SMARCC1: variants seen among roughly 807,000 people sequenced by gnomAD.
The protein encoded by SMARCC1 is SWI/SNF related BAF chromatin remodeling complex subunit C1.
In SMARCC1, 43 loss-of-function variants were observed where a neutral mutation model predicts 147.4. The observed-to-expected ratio is 0.29, with a 90% CI of 0.23 to 0.38. The LOEUF is 0.38. Among genes scored for constraint, SMARCC1 ranks in the 10% least tolerant of loss-of-function variants. The probability of loss-of-function intolerance (pLI) is 1.00; values close to 1 mark genes in which losing one functional copy is unlikely to be tolerated. For missense variants in SMARCC1, 1,119 were observed against 1,381.1 expected (o/e 0.81, Z 3.01); for synonymous variants, 495 against 484.4 (o/e 1.02, Z -0.29).
At chr3:47,775,202 C>G (rs2034959978) in intron 1 of SMARCC1, among the ~76,000 whole-genome samples, 1 of 150,642 alleles carries the variant, frequency 6.6e-6, no homozygotes, top group South Asian at 2.1e-4. Flanking sequence ...ACTCTGTTGC[C>G]CAGGCTGGAG....
chr3:47,777,918 C>T (rs1013646576), intron 1 of SMARCC1, among the ~76,000 whole-genome samples: 6 of 151,398 alleles, frequency 4.0e-5, no homozygotes, highest in Non-Finnish European at 8.8e-5. Context: ...CATGAAAATG[C>T]ATGTAGGCCA....
rs1019175816 is a variant in SMARCC1 at position 47,727,617 on chromosome 3, G to GT, written c.646+1407dup. 1.5e-3 allele frequency among the ~76,000 whole-genome samples: 216 copies of GT among 144,904 alleles called. 1 individual carries two copies. Among genetic ancestry groups the GT allele is most frequent in the Middle Eastern group, 0.011 (3 of 282 alleles). On this transcript the variant is annotated intron_variant, in intron 6 of 27. Transcript: ENST00000254480. ...CTCTTTTACCAATAGGTTGTTTTTT[G>GT]TTTTTTTTTTTAGGTAAGACAGAGT...
intron 8 of SMARCC1, among the ~76,000 whole-genome samples, chr3:47,711,020 AC>A: frequency 6.6e-6 from 1 of 152,250 alleles, no homozygotes; most frequent in Non-Finnish European, 1.5e-5. Context: ...AATAATTTAT[AC>A]TAGACCCAGA....
intron 5 of SMARCC1, among the ~76,000 whole-genome samples, chr3:47,730,796 G>A (rs1348035127): frequency 6.6e-6 from 1 of 151,708 alleles, no homozygotes; most frequent in Non-Finnish European, 1.5e-5. Context: ...AACCCCGGAG[G>A]CAGAGGCTGC....
At chr3:47,603,701 T>G (rs2032424450) in intron 26 of SMARCC1, 1 of 237,910 alleles carries the variant, frequency 4.2e-6, no homozygotes, top group Non-Finnish European at 8.4e-6. Context: ...TGATATAATT[T>G]TATAGTTTAA....
chr3:47,620,331 C>T (rs1227741544), intron 25 of SMARCC1, among the ~76,000 whole-genome samples: 3 of 152,020 alleles, frequency 2.0e-5, no homozygotes, highest in Non-Finnish European at 4.4e-5. Flanking sequence ...GGCGTGGTGG[C>T]GCACGCCTGT....
At chr3:47,693,673 TTTG>T (rs778379115) in intron 11 of SMARCC1, among the ~76,000 whole-genome samples, 2 of 152,160 alleles carry the variant, frequency 1.3e-5, no homozygotes, top group Non-Finnish European at 2.9e-5. Context: ...ACCTTTTTAG[TTTG>T]TTTTCAGACA....
intron 21 of SMARCC1, among the ~76,000 whole-genome samples, chr3:47,659,209 T>C (rs544383867): frequency 6.7e-6 from 1 of 149,836 alleles, no homozygotes; most frequent in South Asian, 2.1e-4. Flanking sequence ...CCAGTGAATA[T>C]TACCAAACAC....
At chr3:47,685,088 C>T (rs557270661) in intron 14 of SMARCC1, among the ~76,000 whole-genome samples, 7 of 152,272 alleles carry the variant, frequency 4.6e-5, no homozygotes, top group African/African-American at 7.2e-5. Context: ...TTCACTTTGG[C>T]GTATCCGAAC....
intron 1 of SMARCC1, among the ~76,000 whole-genome samples, chr3:47,777,908 C>T (rs2034994788): frequency 1.3e-5 from 2 of 151,516 alleles, no homozygotes; most frequent in South Asian, 4.2e-4. Context: ...AATTACCAAA[C>T]ATGAAAATGC....
intron 14 of SMARCC1, among the ~76,000 whole-genome samples, chr3:47,682,156 A>G (rs1361793831): frequency 2.0e-5 from 3 of 151,756 alleles, no homozygotes; most frequent in African/African-American, 4.8e-5. Flanking sequence ...TTAGCCGGGC[A>G]TGGTGTTGGG....
At chr3:47,736,435 G>C (rs7626748) in intron 4 of SMARCC1, among the ~76,000 whole-genome samples, 6,777 of 152,204 alleles carry the variant, frequency 0.045, 503 homozygotes, top group African/African-American at 0.15. Flanking sequence ...CAGCACTTTG[G>C]GAGGCCGAGA....
At chr3:47,663,183 A>AGGGGAGGGGAGGGGT (rs1455072434) in intron 19 of SMARCC1, among the ~76,000 whole-genome samples, 1 of 44,360 alleles carries the variant, frequency 2.3e-5, no homozygotes, top group African/African-American at 9.2e-5. Flanking sequence ...AGGAGGGGAG[A>AGGGGAGGGGAGGGGT]GGGGAGGGGA....
At chr3:47,591,957 T>C (rs1470569283) in intron 26 of SMARCC1, among the ~76,000 whole-genome samples, 1 of 152,238 alleles carries the variant, frequency 6.6e-6, no homozygotes, top group African/African-American at 2.4e-5. Flanking sequence ...AGAATCAATG[T>C]AGTTTTTTTC....
chr3:47,726,061 C>CAAAAAAAGAAAAAAA (rs2034296184), intron 6 of SMARCC1, among the ~76,000 whole-genome samples: 1 of 50,782 alleles, frequency 2.0e-5, no homozygotes, highest in Non-Finnish European at 3.5e-5. Context: ...GACTCTGTCT[C>CAAAAAAAGAAAAAAA]AAAAAAAAAA....
rs2106849869 is a variant in SMARCC1, at chr3:47,752,742, A to G, written c.316-6749T>C. Among the ~76,000 whole-genome samples, 2 of 152,238 alleles carry G rather than the reference A, an allele frequency of 1.3e-5. 1 individual carries two copies. Among genetic ancestry groups the G allele is most frequent in the South Asian group, 4.2e-4 (2 of 4,814 alleles). On this transcript the variant is annotated intron_variant, in intron 2 of 27. Coordinates refer to ENST00000254480, the MANE Select transcript of SMARCC1 (RefSeq NM_003074.4). ...GAGGCTGAAGCTGCAGTGACCCATG[A>G]TCACAGTCCTGTCTGAAAAAAACAA...
chr3:47,736,815 T>A (rs2034449740), intron 4 of SMARCC1, among the ~76,000 whole-genome samples: 1 of 152,152 alleles, frequency 6.6e-6, no homozygotes, highest in African/African-American at 2.4e-5. Flanking sequence ...TTTCCCTAGC[T>A]AAGAATCTGT....
intron 11 of SMARCC1, among the ~76,000 whole-genome samples, chr3:47,698,791 T>G (rs1223465091): frequency 6.6e-6 from 1 of 151,976 alleles, no homozygotes; most frequent in Non-Finnish European, 1.5e-5. Flanking sequence ...TTACTCAATT[T>G]CAATACTTAC....
At chr3:47,645,670 G>C (rs1360980815) in intron 21 of SMARCC1, among the ~76,000 whole-genome samples, 1 of 152,218 alleles carries the variant, frequency 6.6e-6, no homozygotes, top group Non-Finnish European at 1.5e-5. Flanking sequence ...AGTTGGCTCA[G>C]AGACTGAATA....
Sources: allele counts gnomAD v4.1 joint callset (sites outside exome capture counted in the v4.1 genomes callset), GRCh38; gene constraint gnomAD v4.1.1; transcripts MANE v1.5; gene names NCBI Gene and HGNC (gene_info 2026-07-23, HGNC 2026-07-21).